Variants in KIAA1328 observed in about 807,000 individuals in gnomAD.
KIAA1328 encodes protein hinderin.
A neutral mutation model predicts 68.1 loss-of-function variants in KIAA1328; 52 were observed. The observed-to-expected ratio is 0.76, with a 90% confidence interval of 0.61 to 0.96. KIAA1328 has a LOEUF of 0.96. KIAA1328 is among the 40% of genes least tolerant of loss of function. KIAA1328 has a pLI of 0.00. For synonymous variants in KIAA1328, 232 were observed against 239.4 expected (o/e 0.97, Z 0.28); for missense variants, 641 against 677.6 (o/e 0.95, Z 0.60).
intron 5 of KIAA1328, among the ~76,000 whole-genome samples, chr18:36,944,618 G>A (rs2050833451): frequency 1.3e-5 from 2 of 152,090 alleles, no homozygotes; most frequent in South Asian, 4.1e-4. Context: ...AGCACAAACA[G>A]AGTAGGTTCT....
intron 6 of KIAA1328, among the ~76,000 whole-genome samples, chr18:37,051,309 T>A (rs2055685340): frequency 6.6e-6 from 1 of 150,930 alleles, no homozygotes; most frequent in South Asian, 2.1e-4. Flanking sequence ...GACCACTTGC[T>A]AGATTAATAA....
At chr18:36,903,166 G>A (rs182047061) in intron 5 of KIAA1328, among the ~76,000 whole-genome samples, 3 of 152,042 alleles carry the variant, frequency 2.0e-5, no homozygotes, top group East Asian at 3.9e-4. Context: ...CAGTGTGTGT[G>A]GTATATTCAT....
At chr18:36,960,477 G>A (rs2051614588) in intron 6 of KIAA1328, among the ~76,000 whole-genome samples, 1 of 152,226 alleles carries the variant, frequency 6.6e-6, no homozygotes, top group Non-Finnish European at 1.5e-5. Flanking sequence ...TGGCGTTTGA[G>A]CTCTGAGAAT....
chr18:36,995,901 A>G (rs2053371723), intron 6 of KIAA1328, among the ~76,000 whole-genome samples: 1 of 152,204 alleles, frequency 6.6e-6, no homozygotes, highest in Non-Finnish European at 1.5e-5. Flanking sequence ...CAGCTTCCAC[A>G]AGGGACAGAA....
chr18:37,131,923 A>C (rs1205787653), intron 7 of KIAA1328, among the ~76,000 whole-genome samples: 2 of 152,204 alleles, frequency 1.3e-5, no homozygotes, highest in Non-Finnish European at 2.9e-5. Flanking sequence ...ACAAAAGACA[A>C]GAAATCCAGG....
At chr18:37,160,419 G>T (rs1167088180) in intron 8 of KIAA1328, 38 bp downstream of exon 8, 1 of 1,549,502 alleles carries the variant, frequency 6.5e-7, no homozygotes, top group African/African-American at 1.4e-5. Flanking sequence ...TGAGAAACTG[G>T]TAGGGGAAGG....
intron 3 of KIAA1328, among the ~76,000 whole-genome samples, chr18:36,840,828 T>C (rs1444024197): frequency 2.0e-5 from 3 of 152,108 alleles, no homozygotes; most frequent in Admixed American, 6.5e-5. Context: ...GATTTCACAG[T>C]GGTAATTAGG....
chr18:37,149,655 T>A (rs539175978), intron 7 of KIAA1328, among the ~76,000 whole-genome samples: 1 of 152,292 alleles, frequency 6.6e-6, no homozygotes, highest in East Asian at 1.9e-4. Flanking sequence ...TAGTAAAAAA[T>A]TGATATTATA....
chr18:36,885,646 A>G lies in KIAA1328; in HGVS notation c.422A>G (p.Asn141Ser), dbSNP rs760921976. 5 of 1,594,356 alleles carry G rather than the reference A, an allele frequency of 3.1e-6. No individual in the cohort carries two copies. Among genetic ancestry groups the G allele is most frequent in the Non-Finnish European group, 4.3e-6 (5 of 1,169,116 alleles). ...AAGATCAGGCAGTTGGAAGAACAGA[A>G]TGAACTGATCATCAAAGAAAGGGAA... ...EKKIRQLEEQNELIIKEREAL... is the reference protein window; with the variant it reads ...EKKIRQLEEQSELIIKEREAL... Residue 141 changes from asparagine to serine, a missense_variant, in exon 5 of 10, where the codon AAT becomes AGT. By Grantham distance (46) the Asn-to-Ser change is conservative. Transcript: ENST00000280020.
chr18:36,908,219 G>T (rs142740571), intron 5 of KIAA1328, among the ~76,000 whole-genome samples: 2 of 152,242 alleles, frequency 1.3e-5, no homozygotes, highest in Non-Finnish European at 2.9e-5. Context: ...GTTGCTGTTT[G>T]TCATTTCTTA....
At chr18:36,880,257 C>G (rs1325909785) in intron 4 of KIAA1328, among the ~76,000 whole-genome samples, 3 of 152,180 alleles carry the variant, frequency 2.0e-5, no homozygotes, top group Admixed American at 6.5e-5. Context: ...CACAGTCCCT[C>G]AGGGCTTCCC....
chr18:37,016,097 C>T (rs903300575), intron 6 of KIAA1328, among the ~76,000 whole-genome samples: 6 of 152,064 alleles, frequency 3.9e-5, no homozygotes, highest in Admixed American at 2.6e-4. Context: ...GGAATGCTTC[C>T]GGTTTTTGCC....
At chr18:36,940,674 CT>C (rs1272164052) in intron 5 of KIAA1328, among the ~76,000 whole-genome samples, 12,174 of 127,590 alleles carry the variant, frequency 0.095, 334 homozygotes, top group Non-Finnish European at 0.12. Context: ...GCTCATTTTA[CT>C]TTTTTTTTTT....
At chr18:36,973,322 TGGG>T (rs1239323798) in intron 6 of KIAA1328, among the ~76,000 whole-genome samples, 1 of 130,494 alleles carries the variant, frequency 7.7e-6, no homozygotes, top group Non-Finnish European at 1.7e-5. Context: ...CAGGCCCTGC[TGGG>T]GGGTCGGGGG....
intron 4 of KIAA1328, among the ~76,000 whole-genome samples, chr18:36,863,256 T>G (rs2047628126): frequency 6.6e-6 from 1 of 151,992 alleles, no homozygotes; most frequent in Admixed American, 6.5e-5. Context: ...TGAGGTTCTT[T>G]TTTTTTTTCC....
intron 4 of KIAA1328, among the ~76,000 whole-genome samples, chr18:36,845,747 T>C (rs1260438587): frequency 6.6e-6 from 1 of 151,712 alleles, no homozygotes. Flanking sequence ...CATCAGCGAA[T>C]GAAACAAAGA....
intron 9 of KIAA1328, among the ~76,000 whole-genome samples, chr18:37,185,740 C>CAT (rs57352720): frequency 6.6e-6 from 1 of 151,088 alleles, no homozygotes; most frequent in Non-Finnish European, 1.5e-5. Flanking sequence ...CACACACACA[C>CAT]GTACACACAC....
At chr18:37,227,252 G>A (rs1187308871), downstream of KIAA1328, among the ~76,000 whole-genome samples, 1 of 152,216 alleles carries the variant, frequency 6.6e-6, no homozygotes, top group African/African-American at 2.4e-5. Flanking sequence ...AACAGCAAGT[G>A]CTGATATAGA....
At chr18:37,007,529 T>C (rs1212284541) in intron 6 of KIAA1328, among the ~76,000 whole-genome samples, 1 of 152,194 alleles carries the variant, frequency 6.6e-6, no homozygotes, top group Non-Finnish European at 1.5e-5. Context: ...AGCGTGCTGG[T>C]AATATATACT....
Sources: allele counts gnomAD v4.1 joint callset (sites outside exome capture counted in the v4.1 genomes callset), GRCh38; gene constraint gnomAD v4.1.1; transcripts MANE v1.5; gene names NCBI Gene and HGNC (gene_info 2026-07-23, HGNC 2026-07-21).